PRKG1: variants seen among roughly 807,000 people sequenced by gnomAD.
PRKG1 encodes the protein cGMP-dependent protein kinase 1.
In PRKG1, 35 loss-of-function variants were observed where a neutral mutation model predicts 88.1. The observed-to-expected ratio is 0.40, with a 90% CI of 0.30 to 0.53. The LOEUF (loss-of-function observed/expected upper bound fraction) is 0.53. Among genes scored for constraint, PRKG1 ranks in the 20% least tolerant of loss-of-function variants. PRKG1 has a pLI of 0.59. For missense variants in PRKG1, 540 were observed against 839.8 expected, an observed-to-expected ratio of 0.64 and a Z score of 4.41; for synonymous variants, 303 against 292.5, an observed-to-expected ratio of 1.04 and a Z score of -0.37.
At chr10:51,207,452 A>G (rs574171147) in intron 2 of PRKG1, among the ~76,000 whole-genome samples, 2 of 152,308 alleles carry the variant, frequency 1.3e-5, no homozygotes, top group African/African-American at 2.4e-5. Flanking sequence ...CTCTCAAGAC[A>G]TGCTTCAGCA....
chr10:52,165,938 C>A (rs1464422866), intron 9 of PRKG1, among the ~76,000 whole-genome samples: 2 of 152,174 alleles, frequency 1.3e-5, no homozygotes, highest in African/African-American at 2.4e-5. Context: ...TCTCAAAACT[C>A]CTCTACTGCA....
At chr10:51,835,340 A>C (rs920226073) in intron 4 of PRKG1, among the ~76,000 whole-genome samples, 6 of 152,194 alleles carry the variant, frequency 3.9e-5, no homozygotes, top group African/African-American at 1.4e-4. Flanking sequence ...TTGAATATAG[A>C]GGACTGGCAT....
chr10:51,893,117 G>A (rs1841762553), intron 4 of PRKG1, among the ~76,000 whole-genome samples: 3 of 152,122 alleles, frequency 2.0e-5, no homozygotes, highest in Non-Finnish European at 4.4e-5. Flanking sequence ...AATAAAGTGT[G>A]TGATTAGTGC....
intron 9 of PRKG1, among the ~76,000 whole-genome samples, chr10:52,211,184 A>G (rs1165393572): frequency 6.6e-6 from 1 of 152,132 alleles, no homozygotes; most frequent in East Asian, 1.9e-4. Context: ...TGGGATCTGT[A>G]TACACGTATC....
At chr10:52,217,435 T>C (rs548042709) in intron 9 of PRKG1, among the ~76,000 whole-genome samples, 2 of 152,178 alleles carry the variant, frequency 1.3e-5, no homozygotes, top group African/African-American at 4.8e-5. Context: ...TAGTGTCAAA[T>C]GAATCTCATA....
intron 5 of PRKG1, among the ~76,000 whole-genome samples, chr10:52,033,945 G>A (rs1263751205): frequency 6.8e-5 from 10 of 147,566 alleles, no homozygotes; most frequent in African/African-American, 2.6e-4. Context: ...TTCTCTGGCA[G>A]GCAGCAGTGG....
At chr10:51,365,136 T>A (rs1354626297) in intron 2 of PRKG1, among the ~76,000 whole-genome samples, 1 of 151,934 alleles carries the variant, frequency 6.6e-6, no homozygotes, top group Non-Finnish European at 1.5e-5. Flanking sequence ...AGTCATAAAA[T>A]TGATCTAATA....
At chr10:51,924,115 A>G (rs889510310) in intron 5 of PRKG1, among the ~76,000 whole-genome samples, 7 of 152,054 alleles carry the variant, frequency 4.6e-5, no homozygotes, top group Admixed American at 6.6e-5. Flanking sequence ...ATGAGCCACC[A>G]CACCCGGCCT....
Position 51,553,886 on chromosome 10 carries a change from T to C in PRKG1, c.592+86050T>C, listed in dbSNP as rs921199657. On this transcript the variant is annotated intron_variant, in intron 3 of 17. Transcript: ENST00000373980. ...AATATATGTATGTATTAGATACGTGTATATAATATATGTATGTATTAGATA... is the reference window on the plus strand; with the variant it reads ...AATATATGTATGTATTAGATACGTGCATATAATATATGTATGTATTAGATA... Among the ~76,000 whole-genome samples, 125 of 123,968 alleles carry C rather than the reference T, an allele frequency of 1.0e-3. 1 individual carries two copies. Among genetic ancestry groups the C allele is most frequent in the Middle Eastern group, 4.2e-3 (1 of 238 alleles). The allele number at this position is 123,968 out of a possible 152,430, so 81.3% of individuals were successfully genotyped here.
At chr10:51,078,533 G>T (rs1050343908) in intron 1 of PRKG1, among the ~76,000 whole-genome samples, 7 of 150,456 alleles carry the variant, frequency 4.7e-5, no homozygotes, top group African/African-American at 1.7e-4. Context: ...CCTGGCCCCT[G>T]TTTCACTTTT....
At chr10:51,521,639 T>G (rs1841739378) in intron 3 of PRKG1, among the ~76,000 whole-genome samples, 1 of 152,218 alleles carries the variant, frequency 6.6e-6, no homozygotes, top group African/African-American at 2.4e-5. Flanking sequence ...GCTGATTTAG[T>G]TCACTTCTCT....
chr10:51,788,762 T>C (rs918434507), intron 3 of PRKG1, among the ~76,000 whole-genome samples: 2 of 152,118 alleles, frequency 1.3e-5, no homozygotes, highest in East Asian at 1.9e-4. Context: ...ACTGAGGTGA[T>C]GTAGAGGTAT....
chr10:51,740,505 T>C (rs1837405875), intron 3 of PRKG1, among the ~76,000 whole-genome samples: 1 of 152,244 alleles, frequency 6.6e-6, no homozygotes, highest in African/African-American at 2.4e-5. Flanking sequence ...TTTTATGCTT[T>C]GCAAATCACT....
At chr10:51,991,094 C>T (rs1490694328) in intron 5 of PRKG1, among the ~76,000 whole-genome samples, 1 of 152,150 alleles carries the variant, frequency 6.6e-6, no homozygotes, top group Non-Finnish European at 1.5e-5. Context: ...TTTTTATAGC[C>T]ATTGTAAATG....
intron 4 of PRKG1, among the ~76,000 whole-genome samples, chr10:51,869,355 G>A (rs1841098098): frequency 6.6e-6 from 1 of 151,698 alleles, no homozygotes. Flanking sequence ...GTTATCAATT[G>A]TGGTCCATTA....
intron 2 of PRKG1, among the ~76,000 whole-genome samples, chr10:51,221,914 G>A (rs1259395761): frequency 2.3e-5 from 3 of 129,712 alleles, no homozygotes; most frequent in East Asian, 2.2e-4. Context: ...TTCACTCGTC[G>A]CCCAGGCTGG....
At chr10:51,349,721 G>A (rs1842199508) in intron 2 of PRKG1, among the ~76,000 whole-genome samples, 1 of 151,960 alleles carries the variant, frequency 6.6e-6, no homozygotes, top group Non-Finnish European at 1.5e-5. Flanking sequence ...TGGCCAGGCT[G>A]GTCTTAAACT....
chr10:52,273,742 G>A (rs1366860756), intron 12 of PRKG1, among the ~76,000 whole-genome samples: 2 of 152,030 alleles, frequency 1.3e-5, no homozygotes, highest in Non-Finnish European at 2.9e-5. Flanking sequence ...GGCATTAGGC[G>A]ATAAGGTTAA....
At chr10:52,053,693 C>T (rs988874103) in intron 5 of PRKG1, among the ~76,000 whole-genome samples, 1 of 152,150 alleles carries the variant, frequency 6.6e-6, no homozygotes, top group Non-Finnish European at 1.5e-5. Flanking sequence ...GTTGTGGTGT[C>T]CGTGTCAGAA....
Sources: allele counts gnomAD v4.1 joint callset (sites outside exome capture counted in the v4.1 genomes callset), GRCh38; gene constraint gnomAD v4.1.1; transcripts MANE v1.5; gene names NCBI Gene and HGNC (gene_info 2026-07-23, HGNC 2026-07-21).